PRKN: variants seen among roughly 807,000 people sequenced by gnomAD.
PRKN encodes parkin RBR E3 ubiquitin protein ligase, also known as E3 ubiquitin-protein ligase parkin.
PRKN carries 56 observed loss-of-function variants against 59.5 expected under a neutral mutation model. The observed-to-expected ratio is 0.94, with a 90% CI of 0.76 to 1.18. PRKN has a LOEUF of 1.18. PRKN is among the 50% of genes most tolerant of loss of function. The pLI is 0.00. For synonymous variants in PRKN, 250 were observed against 222.1 expected (o/e 1.13, Z -1.12); for missense variants, 657 against 596.4 (o/e 1.10, Z -1.06).
intron 10 of PRKN, among the ~76,000 whole-genome samples, chr6:161,367,250 G>A (rs533441604): frequency 1.3e-5 from 2 of 151,910 alleles, no homozygotes; most frequent in African/African-American, 4.8e-5. Context: ...CAAAGTGCTG[G>A]GATTACAGGC....
chr6:162,086,873 C>T (rs1436110981), intron 4 of PRKN, among the ~76,000 whole-genome samples: 1 of 152,174 alleles, frequency 6.6e-6, no homozygotes, highest in African/African-American at 2.4e-5. Context: ...AGTCTACTGC[C>T]ATGCAGGCTC....
intron 1 of PRKN, among the ~76,000 whole-genome samples, chr6:162,576,610 G>C (rs546295041): frequency 2.6e-5 from 4 of 152,056 alleles, no homozygotes; most frequent in Non-Finnish European, 5.9e-5. Context: ...TCAGGAGTTC[G>C]AGACCAGCCT....
At chr6:162,040,717 C>T (rs1297059672) in intron 5 of PRKN, among the ~76,000 whole-genome samples, 2 of 151,290 alleles carry the variant, frequency 1.3e-5, no homozygotes, top group Non-Finnish European at 2.9e-5. Context: ...CCATGCCTGG[C>T]CTAGAACCAC....
intron 7 of PRKN, among the ~76,000 whole-genome samples, chr6:161,753,960 G>A (rs1030212332): frequency 2.0e-5 from 3 of 152,254 alleles, no homozygotes; most frequent in Admixed American, 1.3e-4. Context: ...ATAGGAGCAC[G>A]GGAAATCCAG....
At chr6:162,470,432 C>T (rs972478553) in intron 1 of PRKN, among the ~76,000 whole-genome samples, 3 of 151,992 alleles carry the variant, frequency 2.0e-5, no homozygotes, top group Non-Finnish European at 4.4e-5. Flanking sequence ...AGTGAAACCC[C>T]GCCTCCACTA....
At chr6:162,520,102 A>ATG (rs35661370) in intron 1 of PRKN, among the ~76,000 whole-genome samples, 33 of 152,100 alleles carry the variant, frequency 2.2e-4, no homozygotes, top group Middle Eastern at 3.4e-3. Context: ...ATATATATAT[A>ATG]TTTTTAAATA....
rs1036457334 is a variant in PRKN at position 161,395,228 on chromosome 6, TA to T, written c.1084-8352del. ...CAAAAATACCCTATAAAACATTGTA[TA>T]ATGTGCTGTACTCTGCTTGTTGGTT... is the stretch of plus-strand genomic sequence containing the variant. On this transcript the variant is annotated intron_variant, in intron 9 of 11. Coordinates refer to ENST00000366898, the MANE Select transcript of PRKN (RefSeq NM_004562.3). The surrounding 1 kb of genome is among the most constrained non-coding windows in gnomAD (Gnocchi z 5.0). 6.6e-6 allele frequency among the ~76,000 whole-genome samples: 1 copy of T among 152,158 alleles called. No homozygotes were observed. The highest frequency in any genetic ancestry group is 2.4e-5 in the African/African-American group (1 of 41,416).
In PRKN at chr6:161,361,458, C is replaced by T. The variant is rs1264985959; in HGVS notation, c.1168-1253G>A. On this transcript the variant is annotated intron_variant, in intron 10 of 11. Transcript: ENST00000366898. This position sits in a 1 kb window ranked among gnomAD's most constrained non-coding sequence, Gnocchi z 5.2. ...TTCAGGCAAGTGAATGAATGAATGA[C>T]GCAGCCCAGGAAGGCACTAAACTTT... is the stretch of plus-strand genomic sequence containing the variant. Among the ~76,000 whole-genome samples the T allele has an allele frequency of 2.6e-5, 4 of 152,144 alleles. No individual in the cohort carries two copies. The highest frequency in any genetic ancestry group is 1.9e-4 in the East Asian group (1 of 5,188).
chr6:161,687,784 C>A (rs1476164219), intron 7 of PRKN, among the ~76,000 whole-genome samples: 2 of 152,080 alleles, frequency 1.3e-5, no homozygotes, highest in Non-Finnish European at 2.9e-5. Context: ...ATATATTAAA[C>A]ATGTTTTCCT....
At chr6:161,653,989 A>G (rs904768863) in intron 7 of PRKN, among the ~76,000 whole-genome samples, 1 of 138,532 alleles carries the variant, frequency 7.2e-6, no homozygotes, top group Admixed American at 6.9e-5. Context: ...TTATTTAGAT[A>G]ACTGAATAAA....
At chr6:162,280,255 A>G (rs202065743) in intron 2 of PRKN, among the ~76,000 whole-genome samples, 1 of 152,140 alleles carries the variant, frequency 6.6e-6, no homozygotes, top group African/African-American at 2.4e-5. Context: ...CAGTTTCTGG[A>G]AACTGAACAA....
At chr6:162,097,205 C>G (rs529394866) in intron 4 of PRKN, among the ~76,000 whole-genome samples, 3 of 152,028 alleles carry the variant, frequency 2.0e-5, no homozygotes, top group Non-Finnish European at 2.9e-5. Context: ...GAAAAGAGCA[C>G]GTATAGTATG....
intron 1 of PRKN, among the ~76,000 whole-genome samples, chr6:162,653,267 G>C (rs139949231): frequency 1.1e-4 from 16 of 152,244 alleles, no homozygotes; most frequent in Non-Finnish European, 2.1e-4. Flanking sequence ...ATTTGCTAAA[G>C]CAAATATGTC....
intron 2 of PRKN, among the ~76,000 whole-genome samples, chr6:162,392,502 C>G (rs1257666072): frequency 6.6e-5 from 10 of 152,126 alleles, no homozygotes; most frequent in African/African-American, 2.2e-4. Context: ...TTCTTTCACT[C>G]AAGTCTAGTC....
chr6:162,235,949 G>GAAA lies in PRKN; in HGVS notation c.412+26575_412+26576insTTT, dbSNP rs1428326611. ...AGGAAGGAAGGAAGGAAGGAAGGAA[G>GAAA]GAAGAAAGGAAGAAAGAAAGAAAGA... On this transcript the variant is annotated intron_variant, in intron 3 of 11. Coordinates refer to ENST00000366898, the MANE Select transcript of PRKN (RefSeq NM_004562.3). 7.9e-4 allele frequency among the ~76,000 whole-genome samples: 60 copies of GAAA among 75,872 alleles called. 2 individuals carry two copies. The highest frequency in any genetic ancestry group is 3.5e-3 in the African/African-American group (41 of 11,628). The allele number at this position is 75,872 out of a possible 152,430, so 49.8% of individuals were successfully genotyped here.
intron 6 of PRKN, among the ~76,000 whole-genome samples, chr6:161,798,755 T>C (rs1196591725): frequency 1.3e-5 from 2 of 152,192 alleles, no homozygotes; most frequent in African/African-American, 2.4e-5. Context: ...ATATTACATA[T>C]AGCTTTTAGT....
intron 1 of PRKN, among the ~76,000 whole-genome samples, chr6:162,495,690 G>C (rs1467490462): frequency 6.6e-6 from 1 of 152,148 alleles, no homozygotes; most frequent in Non-Finnish European, 1.5e-5. Flanking sequence ...CTTTCTCACT[G>C]TCACTCAATT....
At chr6:162,535,543 G>T (rs897121469) in intron 1 of PRKN, among the ~76,000 whole-genome samples, 1 of 151,862 alleles carries the variant, frequency 6.6e-6, no homozygotes, top group East Asian at 1.9e-4. Flanking sequence ...TGACTGTTTT[G>T]TATTTATCCC....
chr6:162,073,375 T>G (rs1044181341), intron 4 of PRKN, among the ~76,000 whole-genome samples: 6 of 152,350 alleles, frequency 3.9e-5, no homozygotes, highest in Middle Eastern at 6.8e-3. Context: ...AATGGCTGCC[T>G]AAACAGAACA....
Sources: gnomAD v4.1 joint callset for allele counts (sites outside exome capture counted in the v4.1 genomes callset) on GRCh38, gnomAD v4.1.1 for gene constraint, Gnocchi (gnomAD v3.1) non-coding constraint, MANE v1.5 for transcripts, NCBI Gene and HGNC (gene_info 2026-07-23, HGNC 2026-07-21) for gene names.